Variants in MINAR2 observed in about 807,000 individuals in gnomAD.
The protein encoded by MINAR2 is membrane integral NOTCH2 associated receptor 2.
A neutral mutation model predicts 16.1 loss-of-function variants in MINAR2; 21 were observed. The observed-to-expected ratio is 1.31, with a 90% CI of 0.93 to 1.88. MINAR2 has a LOEUF of 1.88. Among genes scored for constraint, MINAR2 ranks in the 40% most tolerant of loss-of-function variants. MINAR2 has a pLI of 0.00. For missense variants in MINAR2, 259 were observed against 229.8 expected, an observed-to-expected ratio of 1.13 and a Z score of -0.82; for synonymous variants, 86 against 83.0, an observed-to-expected ratio of 1.04 and a Z score of -0.20.
chr5:129,751,295 GC>G (rs1461556194), intron 1 of MINAR2, among the ~76,000 whole-genome samples: 1 of 151,764 alleles, frequency 6.6e-6, no homozygotes, highest in African/African-American at 2.4e-5. Flanking sequence ...TACAACCTCT[GC>G]CTCCCAGATT....
At chr5:129,764,703 T>C (rs1758185344) in intron 2 of MINAR2, among the ~76,000 whole-genome samples, 181 bp from the exon 3 acceptor site, 2 of 151,964 alleles carry the variant, frequency 1.3e-5, no homozygotes, top group African/African-American at 2.4e-5. Context: ...GTAGCTGCAA[T>C]TTTATGCTAT....
At chr5:129,749,222 C>G (rs531588799) in intron 1 of MINAR2, among the ~76,000 whole-genome samples, 2 of 152,088 alleles carry the variant, frequency 1.3e-5, no homozygotes, top group Non-Finnish European at 2.9e-5. Context: ...ACCTACAAAC[C>G]CCTGCAAGTC....
chr5:129,752,697 A>G (rs960282615), intron 1 of MINAR2, among the ~76,000 whole-genome samples: 1 of 152,190 alleles, frequency 6.6e-6, no homozygotes, highest in African/African-American at 2.4e-5. Context: ...TATGTAACAA[A>G]CCTGCATGTT....
intron 2 of MINAR2, 127 bp from the exon 3 acceptor site, chr5:129,764,757 C>T: frequency 4.3e-6 from 2 of 460,174 alleles, no homozygotes; most frequent in East Asian, 7.1e-5. Flanking sequence ...GACATTGAAG[C>T]CTTGCCCAGG....
At chr5:129,761,367 C>T (rs1344699591) in intron 2 of MINAR2, among the ~76,000 whole-genome samples, 1 of 152,182 alleles carries the variant, frequency 6.6e-6, no homozygotes, top group Non-Finnish European at 1.5e-5. Flanking sequence ...AGTATATACC[C>T]TTCATTTAAA....
At chr5:129,762,889 C>T (rs1325141243) in intron 2 of MINAR2, among the ~76,000 whole-genome samples, 4 of 151,922 alleles carry the variant, frequency 2.6e-5, no homozygotes, top group African/African-American at 9.7e-5. Flanking sequence ...AGATGGTTTG[C>T]CTAAGTGGGA....
chr5:129,765,034 A>G lies in MINAR2; in HGVS notation c.544A>G (p.Ile182Val). The G allele has an allele frequency of 7.6e-7, 1 of 1,315,220 alleles. No homozygotes were observed. Among genetic ancestry groups the G allele is most frequent in the East Asian group, 2.9e-5 (1 of 35,060 alleles). 81.5% of individuals were successfully genotyped at this position (1,315,220 alleles called of 1,614,324 possible). ...TGTCGTTATCTCCATCTTGGTTACCATAGTGACTATCATTACTTTTTTCAC... is the reference window on the plus strand; with the variant it reads ...TGTCGTTATCTCCATCTTGGTTACCGTAGTGACTATCATTACTTTTTTCAC... ...LLVVISILVT[I>V]VTIITFFT Residue 182 changes from isoleucine (I) to valine (V), a missense_variant, in exon 3 of 3, where the codon ATA (isoleucine) becomes GTA (valine). Coordinates refer to ENST00000564719, the MANE Select transcript of MINAR2 (RefSeq NM_001257308.2).
intron 1 of MINAR2, among the ~76,000 whole-genome samples, chr5:129,757,967 A>G (rs1758077153): frequency 6.6e-6 from 1 of 151,890 alleles, no homozygotes; most frequent in South Asian, 2.1e-4. Context: ...TTTTTACAAT[A>G]AACTATGAAT....
intron 2 of MINAR2, 129 bp from the exon 3 acceptor site, chr5:129,764,755 A>G (rs988568708): frequency 1.1e-5 from 5 of 451,682 alleles, no homozygotes; most frequent in Non-Finnish European, 1.8e-5. Context: ...ATGACATTGA[A>G]GCCTTGCCCA....
rs889946898 is a variant in MINAR2, at chr5:129,762,437, A to G, written c.393+1832A>G. The stretch of plus-strand genomic sequence containing the variant: ...AGTAAAAGTATAAAATTTGTTCACT[A>G]TAAAAGCCCAAATTAGGATTAGTGT... On this transcript the variant is annotated intron_variant, in intron 2 of 2. Coordinates refer to ENST00000564719, the MANE Select transcript of MINAR2 (RefSeq NM_001257308.2). The G allele has an allele frequency of 1.3e-5, 3 of 231,556 alleles. No individual in the cohort carries two copies. In the South Asian group the frequency reaches 2.4e-4, roughly 19 times the overall value. The allele number at this position is 231,556 out of a possible 1,614,324, so 14.3% of individuals were successfully genotyped here. A position where few individuals can be genotyped will look rare whatever the true frequency, so the allele number is the denominator to read the frequency against.
At chr5:129,752,316 C>A (rs1451206010) in intron 1 of MINAR2, among the ~76,000 whole-genome samples, 1 of 152,126 alleles carries the variant, frequency 6.6e-6, no homozygotes, top group African/African-American at 2.4e-5. Context: ...AGACTTGGAA[C>A]CAACCCAAAT....
chr5:129,756,939 A>G (rs866476880), intron 1 of MINAR2, among the ~76,000 whole-genome samples: 18 of 141,510 alleles, frequency 1.3e-4, no homozygotes, highest in African/African-American at 3.8e-4. Context: ...CACAGTAAAA[A>G]AAAAAAAAAA....
intron 1 of MINAR2, among the ~76,000 whole-genome samples, chr5:129,759,569 A>T (rs1438921790): frequency 6.6e-6 from 1 of 152,146 alleles, no homozygotes. Flanking sequence ...TTTATAGAAA[A>T]TATGAGATGA....
chr5:129,759,952 CT>C (rs1414439788), intron 1 of MINAR2, among the ~76,000 whole-genome samples: 3 of 152,020 alleles, frequency 2.0e-5, no homozygotes, highest in African/African-American at 7.2e-5. Flanking sequence ...TCTAAAATGT[CT>C]TTTAATTTTG....
Position 129,765,041 on chromosome 5 carries a change from C to A in MINAR2, c.551C>A (p.Thr184Asn). ...ATCTCCATCTTGGTTACCATAGTGA[C>A]TATCATTACTTTTTTCACCTGAGGA... Reference protein sequence around the residue: ...VVISILVTIVTIITFFT With the variant: ...VVISILVTIVNIITFFT The change falls in exon 3 of 3, where the codon ACT (threonine) becomes AAT (asparagine). Residue 184 changes from threonine (T) to asparagine (N), a missense_variant. Coordinates refer to ENST00000564719, the MANE Select transcript of MINAR2 (RefSeq NM_001257308.2). 7.7e-7 allele frequency: 1 copy of A among 1,301,126 alleles called. No homozygotes were observed. Among genetic ancestry groups the A allele is most frequent in the Non-Finnish European group, 9.8e-7 (1 of 1,021,842 alleles). 80.6% of individuals were successfully genotyped at this position (1,301,126 alleles called of 1,614,324 possible).
At chr5:129,749,415 T>G (rs1581286843) in intron 1 of MINAR2, among the ~76,000 whole-genome samples, 2 of 152,168 alleles carry the variant, frequency 1.3e-5, no homozygotes, top group East Asian at 3.9e-4. Context: ...AAGTGTTTCC[T>G]CCACCTATAA....
rs1758192135 is a variant in MINAR2, at chr5:129,765,016, A to G, written c.526A>G (p.Ile176Val). Reference sequence around the variant, plus strand: ...TATGGGTCTGATTTTACTTGTCGTTATCTCCATCTTGGTTACCATAGTGAC... The same window carrying G: ...TATGGGTCTGATTTTACTTGTCGTTGTCTCCATCTTGGTTACCATAGTGAC... ...CRMGLILLVV[I>V]SILVTIVTII... is the part of the protein sequence containing the mutation. Residue 176 changes from isoleucine to valine, a missense_variant, in exon 3 of 3, where the codon ATC (isoleucine) becomes GTC (valine). Coordinates refer to ENST00000564719, the MANE Select transcript of MINAR2 (RefSeq NM_001257308.2). The G allele has an allele frequency of 7.4e-7, 1 of 1,349,534 alleles. No homozygotes were observed. Among genetic ancestry groups the G allele is most frequent in the Non-Finnish European group, 9.5e-7 (1 of 1,049,772 alleles). The allele number at this position is 1,349,534 out of a possible 1,614,324, so 83.6% of individuals were successfully genotyped here. A position where few individuals can be genotyped will look rare whatever the true frequency, so the allele number is the denominator to read the frequency against.
At position 129,765,038 on chromosome 5, in the gene MINAR2, T is replaced by A; in HGVS notation, c.548T>A (p.Val183Glu). 1 of 1,309,808 alleles carries A rather than the reference T, an allele frequency of 7.6e-7. No homozygotes were observed. The allele number at this position is 1,309,808 out of a possible 1,614,324, so 81.1% of individuals were successfully genotyped here. Reference protein sequence around the residue: ...LVVISILVTIVTIITFFT With the variant: ...LVVISILVTIETIITFFT ...GTTATCTCCATCTTGGTTACCATAG[T>A]GACTATCATTACTTTTTTCACCTGA... The change falls in exon 3 of 3, where the codon GTG becomes GAG. Residue 183 changes from valine to glutamate, a missense_variant. Physicochemically the swap from Val to Glu is moderately radical, Grantham distance 121. Transcript: ENST00000564719.
At chr5:129,748,434 C>A (rs1757945501) in intron 1 of MINAR2, 79 bp downstream of exon 1, 3 of 1,417,638 alleles carry the variant, frequency 2.1e-6, no homozygotes, top group Non-Finnish European at 2.8e-6. Context: ...ATTTATGCAA[C>A]AAGAAGCCTA....
Sources: allele counts gnomAD v4.1 joint callset (sites outside exome capture counted in the v4.1 genomes callset), GRCh38; gene constraint gnomAD v4.1.1; transcripts MANE v1.5; gene names NCBI Gene and HGNC (gene_info 2026-07-23, HGNC 2026-07-21).